Variants in SCN9A observed in about 807,000 individuals in gnomAD.
The protein encoded by SCN9A is sodium channel protein type 9 subunit alpha.
A neutral mutation model predicts 187.0 loss-of-function variants in SCN9A; 131 were observed. That is an observed-to-expected ratio of 0.70 (90% confidence interval 0.61 to 0.81). SCN9A has a LOEUF of 0.81. SCN9A is among the 30% of genes least tolerant of loss of function. The probability of loss-of-function intolerance (pLI) is 0.00; values close to 1 mark genes in which losing one functional copy is unlikely to be tolerated. For missense variants in SCN9A, 2,252 were observed against 2,396.6 expected, an observed-to-expected ratio of 0.94 and a Z score of 1.26; for synonymous variants, 809 against 808.6, an observed-to-expected ratio of 1.00 and a Z score of -0.01.
chr2:166,273,287 A>G (rs1428040506), intron 16 of SCN9A, among the ~76,000 whole-genome samples: 1 of 152,202 alleles, frequency 6.6e-6, no homozygotes, highest in Non-Finnish European at 1.5e-5. Flanking sequence ...AAACAGGTAG[A>G]ACAAAACAAT....
At chr2:166,283,316 C>T (rs914139341) in intron 12 of SCN9A, among the ~76,000 whole-genome samples, 2 of 151,004 alleles carry the variant, frequency 1.3e-5, no homozygotes, top group Non-Finnish European at 2.9e-5. Context: ...TCACATGTTA[C>T]CTAAAAGCAC....
intron 23 of SCN9A, among the ~76,000 whole-genome samples, chr2:166,227,363 G>A (rs115604894): frequency 0.021 from 3,145 of 152,228 alleles, 120 homozygotes; most frequent in African/African-American, 0.072. Context: ...TTGGATGATT[G>A]TAGACATTTA....
chr2:166,320,897 C>T (rs1025139050), intron 1 of SCN9A, among the ~76,000 whole-genome samples: 6 of 151,922 alleles, frequency 3.9e-5, no homozygotes, highest in African/African-American at 1.5e-4. Context: ...CCAGGGTATA[C>T]AAAAAAATCA....
chr2:166,251,939 A>G (rs1696061027), intron 17 of SCN9A, 54 bp from the exon 18 acceptor site: 1 of 1,590,546 alleles, frequency 6.3e-7, no homozygotes, highest in Middle Eastern at 1.7e-4. Flanking sequence ...TCATTCAAAT[A>G]TGATATTTAA....
At chr2:166,358,124 C>G (rs1347069970) in intron 1 of SCN9A, among the ~76,000 whole-genome samples, 2 of 151,198 alleles carry the variant, frequency 1.3e-5, no homozygotes, top group Non-Finnish European at 2.9e-5. Context: ...GGCTGGAGTG[C>G]CTTGGTGCGA....
At chr2:166,316,204 A>G (rs753978827) in intron 1 of SCN9A, among the ~76,000 whole-genome samples, 9 of 152,226 alleles carry the variant, frequency 5.9e-5, no homozygotes, top group Admixed American at 2.6e-4. Flanking sequence ...AAACATAATT[A>G]TCTAAAAATA....
chr2:166,262,960 A>G (rs73021661), intron 17 of SCN9A, among the ~76,000 whole-genome samples: 1,895 of 152,080 alleles, frequency 0.012, 45 homozygotes, highest in African/African-American at 0.043. Context: ...GCTTTCCAGC[A>G]AGCTGCTCAT....
chr2:166,200,283 C>G (rs1693444211), intron 26 of SCN9A, among the ~76,000 whole-genome samples: 1 of 151,564 alleles, frequency 6.6e-6, no homozygotes, highest in Non-Finnish European at 1.5e-5. Context: ...AGGCGTGAGC[C>G]ACCGTGCCCG....
chr2:166,246,241 T>A (rs1695783591), intron 18 of SCN9A, among the ~76,000 whole-genome samples: 1 of 151,888 alleles, frequency 6.6e-6, no homozygotes, highest in Non-Finnish European at 1.5e-5. Flanking sequence ...AAGAGTTATA[T>A]AATCTTCTAA....
intron 10 of SCN9A, among the ~76,000 whole-genome samples, chr2:166,288,128 C>CACACACAT (rs1697868961): frequency 2.2e-5 from 3 of 133,342 alleles, no homozygotes; most frequent in East Asian, 4.6e-4. Flanking sequence ...TATACACACA[C>CACACACAT]ATTTATATGT....
intron 1 of SCN9A, among the ~76,000 whole-genome samples, chr2:166,320,448 A>T (rs1009724537): frequency 1.3e-5 from 2 of 152,118 alleles, no homozygotes; most frequent in African/African-American, 2.4e-5. Flanking sequence ...CTTTCAGGTA[A>T]ATTGGAGACA....
intron 24 of SCN9A, among the ~76,000 whole-genome samples, chr2:166,205,668 T>A (rs1693763674): frequency 6.6e-6 from 1 of 152,080 alleles, no homozygotes; most frequent in South Asian, 2.1e-4. Context: ...AAATGGGATC[T>A]AATTAAACTA....
At chr2:166,218,888 A>G (rs1694456953) in intron 24 of SCN9A, among the ~76,000 whole-genome samples, 1 of 152,144 alleles carries the variant, frequency 6.6e-6, no homozygotes. Context: ...AAACAACCCC[A>G]TTAAAAAGTG....
chr2:166,275,593 A>AG (rs911067196), intron 16 of SCN9A, among the ~76,000 whole-genome samples: 14 of 132,042 alleles, frequency 1.1e-4, no homozygotes, highest in Admixed American at 6.6e-4. Flanking sequence ...CAAAAAAAAA[A>AG]AAAATACACA....
At chr2:166,299,728 A>G (rs1698472848) in intron 7 of SCN9A, among the ~76,000 whole-genome samples, 2 of 150,782 alleles carry the variant, frequency 1.3e-5, no homozygotes, top group Non-Finnish European at 2.9e-5. Flanking sequence ...TCTGGAATTT[A>G]TCTCCAAACT....
In SCN9A at chr2:166,305,858, C is replaced by T; in HGVS notation, c.530G>A (p.Cys177Tyr). 6.2e-7 allele frequency: 1 copy of T among 1,613,380 alleles called. No individual in the cohort carries two copies. Among genetic ancestry groups the T allele is most frequent in the Non-Finnish European group, 8.5e-7 (1 of 1,179,562 alleles). ...SLVKILARGFCVGEFTFLRDP... is the reference protein window; with the variant it reads ...SLVKILARGFYVGEFTFLRDP... ...ACGAAGAAAAGTGAATTCTCCTACA[C>T]AGAAGCCTCTTGCAAGGATTTTTAC... Residue 177 changes from cysteine (C) to tyrosine (Y), a missense_variant, in exon 5 of 27, where the codon TGT (cysteine) becomes TAT (tyrosine). Around this residue, in one of 7 missense-constraint regions of SCN9A, gnomAD observed 1,013 missense variants for 997.4 expected, o/e 1.02. Transcript: ENST00000642356.
chr2:166,208,535 T>C (rs1345473560), intron 24 of SCN9A, among the ~76,000 whole-genome samples: 2 of 32,350 alleles, frequency 6.2e-5, no homozygotes, highest in African/African-American at 3.8e-4. Flanking sequence ...TTTGTAATTA[T>C]ATATTTGTAT....
chr2:166,231,609 T>C (rs890972225), intron 21 of SCN9A, among the ~76,000 whole-genome samples: 4 of 142,588 alleles, frequency 2.8e-5, no homozygotes, highest in African/African-American at 1.1e-4. Context: ...TGGAGTGCAG[T>C]TGCATGATCT....
rs367746225 is a variant in SCN9A, at chr2:166,292,817, C to T, written c.1107+414G>A. Among the ~76,000 whole-genome samples the T allele has an allele frequency of 1.6e-4, 24 of 152,246 alleles. No individual in the cohort carries two copies. The South Asian group carries it at 4.8e-3, about 30-fold the overall frequency. On this transcript the variant is annotated intron_variant, in intron 9 of 26. Transcript: ENST00000642356. The stretch of plus-strand genomic sequence containing the variant: ...AAAAACTTAGAGAAATGAATTGCAT[C>T]TTTAACTTTAAATAGGAGTTCAAAA...
Sources: allele counts gnomAD v4.1 joint callset (sites outside exome capture counted in the v4.1 genomes callset), GRCh38; gene constraint gnomAD v4.1.1; regional missense constraint gnomAD v4.1.1; transcripts MANE v1.5; gene names NCBI Gene and HGNC (gene_info 2026-07-23, HGNC 2026-07-21).